The following KIAA0513 variants were observed in gnomAD, a reference collection of about 807,000 sequenced individuals.
KIAA0513 encodes KIAA0513, also known as uncharacterized protein KIAA0513.
Under a neutral mutation model 56.5 loss-of-function variants are expected in KIAA0513, and 39 were observed. The ratio of observed to expected loss-of-function variants is 0.69; its 90% CI spans 0.53 to 0.90. The LOEUF (loss-of-function observed/expected upper bound fraction) is 0.90. Among genes scored for constraint, KIAA0513 ranks in the 40% least tolerant of loss-of-function variants. The pLI is 0.00. For missense variants in KIAA0513, 591 were observed against 535.2 expected, an observed-to-expected ratio of 1.10 and a Z score of -1.03; for synonymous variants, 268 against 215.6, an observed-to-expected ratio of 1.24 and a Z score of -2.13.
intron 12 of KIAA0513, among the ~76,000 whole-genome samples, chr16:85,087,963 G>A (rs754842406): frequency 6.6e-6 from 1 of 152,252 alleles, no homozygotes; most frequent in African/African-American, 2.4e-5. Context: ...CCTTTCACAG[G>A]CTGTAGGGGC....
rs993258047 is a variant in KIAA0513 at position 85,092,949 on chromosome 16, C to G, written c.*4624C>G. On this transcript the variant is annotated 3_prime_UTR_variant, in exon 13 of 13. Transcript: ENST00000683363. The stretch of plus-strand genomic sequence containing the variant: ...CTGCGGCCAACACTGGCCCGGAAGC[C>G]GCCCTCCATACAGGCCCTCAGGGGG... 1 of 152,342 alleles carries G rather than the reference C, an allele frequency of 6.6e-6. No homozygotes were observed. Among genetic ancestry groups the G allele is most frequent in the Non-Finnish European group, 1.5e-5 (1 of 68,150 alleles). The allele number at this position is 152,342 out of a possible 1,614,324, so 9.4% of individuals were successfully genotyped here.
At chr16:85,074,280 C>A (rs1266550818) in intron 4 of KIAA0513, among the ~76,000 whole-genome samples, 1 of 151,228 alleles carries the variant, frequency 6.6e-6, no homozygotes, top group Non-Finnish European at 1.5e-5. Context: ...TGGCCATATT[C>A]CATTTATATA....
intron 10 of KIAA0513, among the ~76,000 whole-genome samples, chr16:85,084,142 A>G (rs1382991227): frequency 6.9e-6 from 1 of 144,098 alleles, no homozygotes; most frequent in Non-Finnish European, 1.5e-5. Flanking sequence ...GCTCACTGCA[A>G]CCTCCATCTC....
At chr16:85,043,758 C>T (rs935864647) in intron 1 of KIAA0513, among the ~76,000 whole-genome samples, 5 of 152,036 alleles carry the variant, frequency 3.3e-5, no homozygotes, top group African/African-American at 9.7e-5. Context: ...TGAGTCCGGA[C>T]GCGGTGGCCC....
At position 85,080,797 on chromosome 16, in the gene KIAA0513, A is replaced by AAAAT. The variant is rs1307520796; in HGVS notation, c.903-502_903-499dup. 1.9e-4 allele frequency among the ~76,000 whole-genome samples: 29 copies of AAAAT among 152,362 alleles called. 1 individual carries two copies. The East Asian group carries it at 4.6e-3, about 24-fold the overall frequency. ...AACAAGAGTGAAACTCCATCTCAAA[A>AAAAT]AAATAAATAAATAAATAAAATAAGA... is the stretch of plus-strand genomic sequence containing the variant. On this transcript the variant is annotated intron_variant, in intron 8 of 12. Coordinates refer to ENST00000683363, the MANE Select transcript of KIAA0513 (RefSeq NM_001388359.1).
chr16:85,051,276 T>C (rs923287127), intron 1 of KIAA0513, among the ~76,000 whole-genome samples: 1 of 152,210 alleles, frequency 6.6e-6, no homozygotes, highest in East Asian at 1.9e-4. Flanking sequence ...CCTTATCTCT[T>C]TTTTTCTGTG....
intron 10 of KIAA0513, among the ~76,000 whole-genome samples, chr16:85,085,578 C>T (rs746497253): frequency 6.6e-6 from 1 of 152,230 alleles, no homozygotes; most frequent in Non-Finnish European, 1.5e-5. Flanking sequence ...GCTGCTTCTG[C>T]AGGTAGCTTC....
intron 1 of KIAA0513, among the ~76,000 whole-genome samples, chr16:85,030,274 G>A (rs2072945254): frequency 1.3e-5 from 2 of 152,196 alleles, no homozygotes; most frequent in African/African-American, 2.4e-5. Context: ...CTTCAGCTGT[G>A]TGAGGCAAGA....
rs1293228258 is a variant in KIAA0513, at chr16:85,075,909, A to G, written c.569A>G (p.His190Arg). The G allele has an allele frequency of 3.7e-6, 6 of 1,612,942 alleles. No homozygotes were observed. Among genetic ancestry groups the G allele is most frequent in the Non-Finnish European group, 4.2e-6 (5 of 1,179,016 alleles). ...NLMTMCFTYY[H>R]IGKPQLLPPE... The stretch of plus-strand genomic sequence containing the variant: ...ATGACCATGTGCTTCACCTACTACC[A>G]CATCGGTAAGACATGGGTGGGCTGA... Residue 190 changes from histidine (H) to arginine (R), a missense_variant, in exon 5 of 13, where the codon CAC (histidine) becomes CGC (arginine). Transcript: ENST00000683363.
At chr16:85,087,442 G>A (rs970576902) in intron 12 of KIAA0513, among the ~76,000 whole-genome samples, 1 of 152,232 alleles carries the variant, frequency 6.6e-6, no homozygotes, top group Non-Finnish European at 1.5e-5. Context: ...AGAGGAAGAA[G>A]GGGGACGCGG....
chr16:85,049,175 T>A (rs2073213093), intron 1 of KIAA0513, among the ~76,000 whole-genome samples: 1 of 152,228 alleles, frequency 6.6e-6, no homozygotes, highest in South Asian at 2.1e-4. Context: ...ATGGCAGGTG[T>A]CACGGGTAGG....
chr16:85,040,716 A>G (rs552972924), intron 1 of KIAA0513, among the ~76,000 whole-genome samples: 38 of 152,226 alleles, frequency 2.5e-4, no homozygotes, highest in African/African-American at 9.1e-4. Context: ...GCTTTTCCTA[A>G]AAGCACAGAC....
chr16:85,087,403 G>A (rs1333991101), intron 12 of KIAA0513, among the ~76,000 whole-genome samples: 1 of 152,194 alleles, frequency 6.6e-6, no homozygotes, highest in Non-Finnish European at 1.5e-5. Flanking sequence ...GGGCATTGGG[G>A]CCATAGCCTG....
At chr16:85,063,851 G>C (rs970393971) in intron 1 of KIAA0513, among the ~76,000 whole-genome samples, 2 of 151,900 alleles carry the variant, frequency 1.3e-5, no homozygotes, top group Admixed American at 6.6e-5. Context: ...CTGAACAGGG[G>C]GTGGCAAGCA....
At chr16:85,086,757 A>C in intron 11 of KIAA0513, 33 bp downstream of exon 11, 1 of 1,537,950 alleles carries the variant, frequency 6.5e-7, no homozygotes, top group Non-Finnish European at 8.9e-7. Context: ...GGGAGGGGAG[A>C]GGGGGGAGGG....
At chr16:85,065,206 C>T (rs1055243637) in intron 1 of KIAA0513, among the ~76,000 whole-genome samples, 16 of 152,272 alleles carry the variant, frequency 1.1e-4, no homozygotes, top group African/African-American at 3.6e-4. Context: ...AGTGAGAATG[C>T]GCTTGTGGAA....
intron 6 of KIAA0513, among the ~76,000 whole-genome samples, chr16:85,078,127 C>A (rs576840824): frequency 6.6e-6 from 1 of 152,140 alleles, no homozygotes; most frequent in Admixed American, 6.5e-5. Flanking sequence ...CCCCCGGGGT[C>A]CCCTGTTCCC....
chr16:85,047,180 A>G (rs2073182961), intron 1 of KIAA0513, among the ~76,000 whole-genome samples: 3 of 152,146 alleles, frequency 2.0e-5, no homozygotes, highest in Admixed American at 6.5e-5. Context: ...TCCACTCTTC[A>G]GATCTGTCCA....
At chr16:85,069,022 C>A (rs2144024110) in intron 2 of KIAA0513, among the ~76,000 whole-genome samples, 1 of 152,096 alleles carries the variant, frequency 6.6e-6, no homozygotes, top group East Asian at 1.9e-4. Context: ...TACTGGTGTG[C>A]TCATAAGGAG....
Sources: allele counts gnomAD v4.1 joint callset (sites outside exome capture counted in the v4.1 genomes callset), GRCh38; gene constraint gnomAD v4.1.1; transcripts MANE v1.5; gene names NCBI Gene and HGNC (gene_info 2026-07-23, HGNC 2026-07-21).